SEMA5B: variants seen among roughly 807,000 people sequenced by gnomAD.
SEMA5B encodes semaphorin-5B.
SEMA5B carries 66 observed loss-of-function variants against 135.0 expected under a neutral mutation model. The ratio of observed to expected loss-of-function variants is 0.49; its 90% CI spans 0.40 to 0.60. The LOEUF (loss-of-function observed/expected upper bound fraction) is 0.60, where lower values mean the gene tolerates loss of function less well. Among genes scored for constraint, SEMA5B ranks in the 20% least tolerant of loss-of-function variants. The pLI, the probability that SEMA5B is intolerant of heterozygous loss-of-function variation, is 0.00. For synonymous variants in SEMA5B, 690 were observed against 639.5 expected, an observed-to-expected ratio of 1.08 and a Z score of -1.19; for missense variants, 1,501 against 1,566.3, an observed-to-expected ratio of 0.96 and a Z score of 0.70.
intron 9 of SEMA5B, among the ~76,000 whole-genome samples, chr3:122,925,651 C>G (rs538150553): frequency 2.0e-5 from 3 of 150,812 alleles, no homozygotes; most frequent in Non-Finnish European, 4.4e-5. Flanking sequence ...GCCTGGGCGA[C>G]AGAGCAAGAC....
chr3:122,987,300 A>C (rs1941733150), intron 1 of SEMA5B, among the ~76,000 whole-genome samples: 1 of 152,236 alleles, frequency 6.6e-6, no homozygotes. Context: ...CACAAAGGAC[A>C]GGGACAAAAG....
At chr3:122,921,619 T>C (rs941624490) in intron 12 of SEMA5B, among the ~76,000 whole-genome samples, 5 of 152,202 alleles carry the variant, frequency 3.3e-5, no homozygotes, top group Admixed American at 2.0e-4. Flanking sequence ...TGACTGGCCC[T>C]AGCTATGTGT....
At chr3:123,010,670 C>A (rs1394387399) in intron 1 of SEMA5B, among the ~76,000 whole-genome samples, 1 of 151,950 alleles carries the variant, frequency 6.6e-6, no homozygotes, top group African/African-American at 2.4e-5. Flanking sequence ...ATTAGCTGGG[C>A]ATGGTGGCAT....
At chr3:123,019,356 G>A (rs1405591776) in intron 1 of SEMA5B, among the ~76,000 whole-genome samples, 1 of 152,154 alleles carries the variant, frequency 6.6e-6, no homozygotes, top group East Asian at 1.9e-4. Context: ...AGCACTTTGG[G>A]AGGCCAAGGG....
intron 15 of SEMA5B, 37 bp downstream of exon 15, chr3:122,913,821 T>C: frequency 6.4e-7 from 1 of 1,571,108 alleles, no homozygotes; most frequent in Non-Finnish European, 8.6e-7. Flanking sequence ...GGGGCCCGGT[T>C]AGTCTGGGAC....
intron 3 of SEMA5B, among the ~76,000 whole-genome samples, chr3:122,945,194 AAAG>A (rs1227164061): frequency 1.3e-5 from 2 of 152,340 alleles, no homozygotes; most frequent in South Asian, 2.1e-4. Context: ...ATGATTAAAA[AAAG>A]AAGAAGAAAG....
intron 1 of SEMA5B, among the ~76,000 whole-genome samples, chr3:122,962,024 T>C (rs1331482440): frequency 6.6e-6 from 1 of 152,218 alleles, no homozygotes; most frequent in Non-Finnish European, 1.5e-5. Flanking sequence ...GGCAAGGTTC[T>C]CTACTTTTAA....
chr3:122,913,391 C>G lies in SEMA5B; in HGVS notation c.2314G>C (p.Glu772Gln). ...FKTCNPEGCP[E>Q]VRRNTPWTPW... is the part of the protein sequence containing the mutation. Reference sequence around the variant, plus strand: ...GTCCAGGGGGTGTTGCGCCGCACTTCGGGGCAGCCCTCGGGGTTGCACGTC... The same window carrying G: ...GTCCAGGGGGTGTTGCGCCGCACTTGGGGGCAGCCCTCGGGGTTGCACGTC... The change falls in exon 17 of 23, where the codon GAA becomes CAA. Residue 772 changes from glutamate to glutamine, a missense_variant. Physicochemically the swap from Glu to Gln is conservative, Grantham distance 29. Around this residue, in one of 2 missense-constraint regions of SEMA5B, gnomAD observed 927 missense variants for 881.6 expected, o/e 1.05. Coordinates refer to ENST00000357599, the MANE Select transcript of SEMA5B (RefSeq NM_001031702.4). The G allele has an allele frequency of 6.3e-7, 1 of 1,577,552 alleles. No individual in the cohort carries two copies. The highest frequency in any genetic ancestry group is 8.6e-7 in the Non-Finnish European group (1 of 1,166,426).
Position 122,915,602 on chromosome 3 carries a change from T to A in SEMA5B, c.1826A>T (p.Asp609Val). The A allele has an allele frequency of 6.2e-7, 1 of 1,612,806 alleles. No homozygotes were observed. Among genetic ancestry groups the A allele is most frequent in the South Asian group, 1.1e-5 (1 of 90,920 alleles). The change falls in exon 14 of 23, where the codon GAT becomes GTT. Residue 609 changes from aspartate (D) to valine (V), a missense_variant. Coordinates refer to ENST00000357599, the MANE Select transcript of SEMA5B (RefSeq NM_001031702.4). ...TACPVRNVTR[D>V]GGFGPWSPWQ... ...TGGTGACCATGGGCCGAAGCCCCCA[T>A]CCCGTGTCACATTCCGCACCTGAAG...
rs1384661200 is a variant in SEMA5B, at chr3:123,025,865, G to A, written c.-39+1599C>T. 3.3e-5 allele frequency among the ~76,000 whole-genome samples: 5 copies of A among 152,322 alleles called. No individual in the cohort carries two copies. In the East Asian group the frequency reaches 7.7e-4, roughly 24 times the overall value. On this transcript the variant is annotated intron_variant, in intron 1 of 22. Coordinates refer to ENST00000357599, the MANE Select transcript of SEMA5B (RefSeq NM_001031702.4). ...AAATCTAGACTTCGGGAAAGGTACT[G>A]GCTGTTTCTTTCCAAGCTGCTTTCA...
At chr3:122,932,861 A>G (rs763708861) in intron 5 of SEMA5B, among the ~76,000 whole-genome samples, 1 of 152,110 alleles carries the variant, frequency 6.6e-6, no homozygotes, top group African/African-American at 2.4e-5. Context: ...TGGGAACACA[A>G]GTGCACACCA....
At chr3:122,932,242 G>GCTT (rs1358801187) in intron 5 of SEMA5B, among the ~76,000 whole-genome samples, 3 of 54,664 alleles carry the variant, frequency 5.5e-5, no homozygotes, top group Non-Finnish European at 8.7e-5. Flanking sequence ...CTCTCAATAT[G>GCTT]ATTTTTTTTT....
At chr3:122,930,808 ACACTAAAGT>A (rs1408630398) in intron 5 of SEMA5B, among the ~76,000 whole-genome samples, 1 of 152,238 alleles carries the variant, frequency 6.6e-6, no homozygotes, top group African/African-American at 2.4e-5. Flanking sequence ...ACAGGGAAGA[ACACTAAAGT>A]CCAGAGAGGT....
chr3:122,949,256 T>A (rs1035756044), intron 2 of SEMA5B, among the ~76,000 whole-genome samples: 1 of 152,144 alleles, frequency 6.6e-6, no homozygotes, highest in Non-Finnish European at 1.5e-5. Flanking sequence ...AACAAACACC[T>A]GCACTTCCCC....
At chr3:122,973,694 TG>T (rs1284921026) in intron 1 of SEMA5B, among the ~76,000 whole-genome samples, 3 of 152,148 alleles carry the variant, frequency 2.0e-5, no homozygotes, top group African/African-American at 4.8e-5. Flanking sequence ...GCTGCAAACT[TG>T]GGGGGTTGTA....
rs778631280 is a variant in SEMA5B, at chr3:122,911,939, G to A, written c.3027C>T (p.Cys1009=). The A allele has an allele frequency of 6.2e-7, 1 of 1,605,080 alleles. No homozygotes were observed. Among genetic ancestry groups the A allele is most frequent in the Non-Finnish European group, 8.5e-7 (1 of 1,173,556 alleles). Residue 1009 remains cysteine, a synonymous_variant, in exon 20 of 23, where the codon TGC becomes TGT. Coordinates refer to ENST00000357599, the MANE Select transcript of SEMA5B (RefSeq NM_001031702.4). ...CAGNSSQSRP[C]PYSEIPVILP... ...ACCTACCGGGAATCTCGCTGTAGGG[G>A]CAGGGGCGGCTCTGGCTGCTGTTTC...
At chr3:122,915,751 G>A (rs1047213986) in intron 13 of SEMA5B, 22 bp downstream of exon 13, 11 of 1,610,956 alleles carry the variant, frequency 6.8e-6, no homozygotes, top group Non-Finnish European at 7.6e-6. Flanking sequence ...TCTGAGATGG[G>A]AGGACACAAG....
chr3:123,002,149 G>A (rs562185296), intron 1 of SEMA5B, among the ~76,000 whole-genome samples: 1 of 152,318 alleles, frequency 6.6e-6, no homozygotes, highest in Middle Eastern at 3.4e-3. Flanking sequence ...GAAACCCATT[G>A]GATCATGGGG....
chr3:122,984,750 C>A (rs780269400), intron 1 of SEMA5B, among the ~76,000 whole-genome samples: 3 of 151,688 alleles, frequency 2.0e-5, no homozygotes, highest in Non-Finnish European at 4.4e-5. Flanking sequence ...AAAAAAAGTT[C>A]TACTTAAAAA....
Sources: gnomAD v4.1 joint callset for allele counts (sites outside exome capture counted in the v4.1 genomes callset) on GRCh38, gnomAD v4.1.1 for gene constraint, gnomAD v4.1.1 regional missense constraint, MANE v1.5 for transcripts, NCBI Gene and HGNC (gene_info 2026-07-23, HGNC 2026-07-21) for gene names.